REPS2: variants seen among roughly 807,000 people sequenced by gnomAD.
REPS2 encodes the protein ralBP1-associated Eps domain-containing protein 2.
Under a neutral mutation model 53.6 loss-of-function variants are expected in REPS2, and 23 were observed. The ratio of observed to expected loss-of-function variants is 0.43; its 90% CI spans 0.31 to 0.61. REPS2 has a LOEUF of 0.61. Among genes scored for constraint, REPS2 ranks in the 20% least tolerant of loss-of-function variants. The probability of loss-of-function intolerance (pLI) is 0.11; values close to 1 mark genes in which losing one functional copy is unlikely to be tolerated. For synonymous variants in REPS2, 238 were observed against 218.6 expected, an observed-to-expected ratio of 1.09 and a Z score of -0.78; for missense variants, 446 against 534.9, an observed-to-expected ratio of 0.83 and a Z score of 1.64.
intron 1 of REPS2, among the ~76,000 whole-genome samples, chrX:16,962,061 T>C (rs182402140): frequency 9.0e-6 from 1 of 111,634 alleles, no homozygotes; most frequent in Admixed American, 9.5e-5. Context: ...ACAGCCATTA[T>C]GGAAAATGGT....
intron 1 of REPS2, among the ~76,000 whole-genome samples, chrX:17,002,033 A>G (rs1002648611): frequency 7.1e-5 from 8 of 111,928 alleles, no homozygotes; most frequent in African/African-American, 2.3e-4. Context: ...GCCAAACCAT[A>G]TCATGTTGTA....
At chrX:17,081,201 GA>G (rs1410008252) in intron 13 of REPS2, among the ~76,000 whole-genome samples, 1 of 112,314 alleles carries the variant, frequency 8.9e-6, no homozygotes, top group African/African-American at 3.2e-5. Flanking sequence ...AGCAGTGATT[GA>G]AGCTAAGGTG....
rs1177779173 is a variant in REPS2, at chrX:16,946,819, C to T, written c.-43C>T. ...GTGGCTGTGGCGGACGCAGCAGCAC[C>T]CCAGCTAGGGACAGGGCTCCGCCGC... On this transcript the variant is annotated 5_prime_UTR_variant, in exon 1 of 18. Coordinates refer to ENST00000357277, the MANE Select transcript of REPS2 (RefSeq NM_004726.3). The T allele has an allele frequency of 2.0e-5, 15 of 753,266 alleles. No individual in the cohort carries two copies. The South Asian group carries it at 7.3e-4, about 37-fold the overall frequency. The allele number at this position is 753,266 out of a possible 1,213,427, so 62.1% of individuals were successfully genotyped here.
At chrX:17,036,077 C>T (rs1449922671) in intron 5 of REPS2, among the ~76,000 whole-genome samples, 2 of 111,913 alleles carry the variant, frequency 1.8e-5, no homozygotes, top group African/African-American at 6.5e-5. Flanking sequence ...GCAATCACTG[C>T]GTTGTTTGCA....
intron 1 of REPS2, among the ~76,000 whole-genome samples, chrX:16,973,842 C>CT (rs2147703666): frequency 9.1e-6 from 1 of 110,257 alleles, no homozygotes; most frequent in East Asian, 2.8e-4. Context: ...TACTAAATCA[C>CT]TTGAGATTAA....
chrX:17,172,971 A>ATGTG, the REPS2 span, among the ~76,000 whole-genome samples: 10 of 63,089 alleles, frequency 1.6e-4, no homozygotes, highest in Admixed American at 8.0e-4. Flanking sequence ...GTCTGTGTGT[A>ATGTG]TGTATGTGTG....
intron 17 of REPS2, among the ~76,000 whole-genome samples, chrX:17,144,601 A>G (rs113123609): frequency 1.0e-3 from 114 of 112,531 alleles, no homozygotes; most frequent in African/African-American, 3.5e-3. Context: ...AAACAGAACT[A>G]TAGTCATAGC....
intron 14 of REPS2, among the ~76,000 whole-genome samples, chrX:17,122,807 A>C (rs762368163): frequency 2.7e-5 from 3 of 112,171 alleles, no homozygotes; most frequent in African/African-American, 9.7e-5. Context: ...GACATGGCTC[A>C]TGCAGGAAGG....
intron 1 of REPS2, among the ~76,000 whole-genome samples, chrX:17,001,714 C>T (rs755983014): frequency 1.8e-5 from 2 of 112,065 alleles, no homozygotes; most frequent in South Asian, 3.7e-4. Flanking sequence ...AAGGCATATC[C>T]GAGACTGGGA....
In REPS2 at chrX:17,023,451, C is replaced by T. The variant is rs547591854; in HGVS notation, c.546+1180C>T. On this transcript the variant is annotated intron_variant, in intron 3 of 17. Coordinates refer to ENST00000357277, the MANE Select transcript of REPS2 (RefSeq NM_004726.3). ...TCAAAAAAAAAAAAAAAGGAACACT[C>T]GAATGAAAATGTTTTTAAAATGCAA... is the stretch of plus-strand genomic sequence containing the variant. Among the ~76,000 whole-genome samples, 151 of 109,886 alleles carry T rather than the reference C, an allele frequency of 1.4e-3. 2 individuals carry two copies. The South Asian group carries it at 0.055, about 40-fold the overall frequency.
the REPS2 span, among the ~76,000 whole-genome samples, chrX:17,196,003 C>T: frequency 2.7e-5 from 3 of 111,213 alleles, no homozygotes; most frequent in Non-Finnish European, 3.8e-5. Context: ...AAAATATTAT[C>T]CAAATGTGTT....
chrX:16,981,452 G>C lies in REPS2; in HGVS notation c.274-24769G>C, dbSNP rs112886208. 5.4e-3 allele frequency among the ~76,000 whole-genome samples: 609 copies of C among 112,816 alleles called. 5 individuals carry two copies. Among genetic ancestry groups the C allele is most frequent in the African/African-American group, 0.019 (586 of 31,108 alleles). Reference sequence around the variant, plus strand: ...GAGTGAATTTGCTGTGATATGATAGGATCATTCTGGACTTTTACTTAATTT... The same window carrying C: ...GAGTGAATTTGCTGTGATATGATAGCATCATTCTGGACTTTTACTTAATTT... On this transcript the variant is annotated intron_variant, in intron 1 of 17. Transcript: ENST00000357277.
At chrX:16,982,459 G>A (rs890406857) in intron 1 of REPS2, among the ~76,000 whole-genome samples, 2 of 112,076 alleles carry the variant, frequency 1.8e-5, no homozygotes, top group Admixed American at 9.5e-5. Context: ...TTGCAAATCA[G>A]TGTTAAAGTG....
intron 1 of REPS2, among the ~76,000 whole-genome samples, chrX:16,965,510 G>A (rs1317959814): frequency 5.4e-5 from 6 of 110,579 alleles, no homozygotes; most frequent in Admixed American, 3.8e-4. Flanking sequence ...CTTCTCAGAC[G>A]GGGCGGTTGC....
At position 16,946,678 on chromosome X, in the gene REPS2, G is replaced by T. The variant is rs1418139019; in HGVS notation, c.-184G>T. On this transcript the variant is annotated 5_prime_UTR_variant, in exon 1 of 18. Transcript: ENST00000357277. Reference sequence around the variant, plus strand: ...GGCACAACATTCAAGCCCGGGGGTGGGGCCGGCGCGCGCCGGGAGGAAGCG... The same window carrying T: ...GGCACAACATTCAAGCCCGGGGGTGTGGCCGGCGCGCGCCGGGAGGAAGCG... 1.4e-5 allele frequency: 5 copies of T among 353,381 alleles called. No individual in the cohort carries two copies. The highest frequency in any genetic ancestry group is 1.8e-5 in the Non-Finnish European group (5 of 274,851). 29.1% of individuals were successfully genotyped at this position (353,381 alleles called of 1,213,427 possible).
downstream of REPS2, among the ~76,000 whole-genome samples, chrX:17,154,501 A>G (rs1385770669): frequency 8.9e-6 from 1 of 111,862 alleles, no homozygotes; most frequent in Non-Finnish European, 1.9e-5. Context: ...CTGCTGTAAC[A>G]AAGAACCCTG....
intron 14 of REPS2, among the ~76,000 whole-genome samples, chrX:17,112,984 C>T (rs1009475437): frequency 2.0e-5 from 2 of 98,095 alleles, no homozygotes; most frequent in Admixed American, 1.2e-4. Flanking sequence ...CCCAGTTACT[C>T]GGGAGGCTGA....
chrX:17,004,862 CTT>C (rs5901600), intron 1 of REPS2, among the ~76,000 whole-genome samples: 18 of 104,472 alleles, frequency 1.7e-4, no homozygotes, highest in African/African-American at 4.5e-4. Context: ...ATTACAATGT[CTT>C]TTTTTTTTTC....
intron 8 of REPS2, among the ~76,000 whole-genome samples, chrX:17,059,665 C>G (rs2062129462): frequency 9.1e-6 from 1 of 109,830 alleles, no homozygotes; most frequent in South Asian, 4.0e-4. Flanking sequence ...CGGGGTTTCA[C>G]CATGTTGACC....
Sources: allele counts gnomAD v4.1 joint callset (sites outside exome capture counted in the v4.1 genomes callset), GRCh38; gene constraint gnomAD v4.1.1; transcripts MANE v1.5; gene names NCBI Gene and HGNC (gene_info 2026-07-23, HGNC 2026-07-21).